The following TOX variants were observed in gnomAD, a reference collection of about 807,000 sequenced individuals.
The protein encoded by TOX is thymocyte selection-associated high mobility group box protein TOX.
Under a neutral mutation model 53.7 loss-of-function variants are expected in TOX, and 11 were observed. The ratio of observed to expected loss-of-function variants is 0.20; its 90% CI spans 0.13 to 0.34. The LOEUF (loss-of-function observed/expected upper bound fraction) is 0.34. Ranked by LOEUF, TOX falls within the 10% of genes least tolerant of loss-of-function variation. The pLI, the probability that TOX is intolerant of heterozygous loss-of-function variation, is 1.00. For synonymous variants in TOX, 225 were observed against 245.3 expected (o/e 0.92, Z 0.77); for missense variants, 570 against 664.6 (o/e 0.86, Z 1.56).
chr8:58,913,251 G>T (rs1421202801), intron 3 of TOX, among the ~76,000 whole-genome samples: 3 of 152,144 alleles, frequency 2.0e-5, no homozygotes, highest in African/African-American at 7.2e-5. Context: ...AGGAGTTTGG[G>T]GCTGCAGTGA....
intron 6 of TOX, 31 bp from the exon 7 acceptor site, chr8:58,815,755 A>G: frequency 1.1e-5 from 18 of 1,570,120 alleles, no homozygotes; most frequent in Non-Finnish European, 1.6e-5. Context: ...CAGAGTTGGG[A>G]GGCTGATACA....
intron 3 of TOX, among the ~76,000 whole-genome samples, chr8:58,938,986 A>G (rs755407212): frequency 2.0e-5 from 3 of 152,346 alleles, no homozygotes; most frequent in East Asian, 1.9e-4. Context: ...GAGAGGTGGC[A>G]TCTTTCAAGA....
At chr8:58,827,686 A>AATCATC (rs1262110674) in intron 5 of TOX, among the ~76,000 whole-genome samples, 1 of 152,182 alleles carries the variant, frequency 6.6e-6, no homozygotes, top group African/African-American at 2.4e-5. Flanking sequence ...ATAAAAGCAA[A>AATCATC]ATCATCCTAA....
intron 2 of TOX, among the ~76,000 whole-genome samples, chr8:58,956,743 G>A (rs1031287519): frequency 1.8e-4 from 27 of 152,116 alleles, no homozygotes; most frequent in Non-Finnish European, 4.0e-4. Flanking sequence ...AGACTCTGGA[G>A]TGGCTGGGAT....
intron 1 of TOX, among the ~76,000 whole-genome samples, chr8:59,065,423 C>G (rs1245154286): frequency 1.3e-5 from 2 of 152,110 alleles, no homozygotes; most frequent in Non-Finnish European, 2.9e-5. Context: ...TAATACAAAG[C>G]AGATAACAAG....
intron 1 of TOX, among the ~76,000 whole-genome samples, chr8:59,002,200 C>T (rs370706742): frequency 8.1e-5 from 12 of 148,388 alleles, no homozygotes; most frequent in African/African-American, 3.0e-4. Context: ...TTTTAAACTC[C>T]TGACCTAGGG....
At chr8:58,997,226 T>A (rs566633086) in intron 1 of TOX, among the ~76,000 whole-genome samples, 10 of 152,274 alleles carry the variant, frequency 6.6e-5, no homozygotes, top group South Asian at 4.1e-4. Context: ...TATTCACAAA[T>A]AGATTTGATG....
chr8:59,074,690 A>C (rs1026310132), intron 1 of TOX, among the ~76,000 whole-genome samples: 9 of 152,216 alleles, frequency 5.9e-5, no homozygotes, highest in African/African-American at 1.9e-4. Context: ...TCTCAAGATA[A>C]GTTCAGAAGG....
At chr8:58,902,109 G>A (rs948416412) in intron 3 of TOX, among the ~76,000 whole-genome samples, 3 of 151,956 alleles carry the variant, frequency 2.0e-5, no homozygotes, top group African/African-American at 7.3e-5. Flanking sequence ...TTATCTCAGT[G>A]CATTAAAATA....
At chr8:59,013,820 G>A (rs554765351) in intron 1 of TOX, among the ~76,000 whole-genome samples, 1 of 152,264 alleles carries the variant, frequency 6.6e-6, no homozygotes, top group Admixed American at 6.5e-5. Flanking sequence ...ATTCAATTCA[G>A]TTAAGTAGAC....
intron 3 of TOX, among the ~76,000 whole-genome samples, chr8:58,853,911 G>A (rs1366406545): frequency 6.6e-6 from 1 of 152,158 alleles, no homozygotes; most frequent in Non-Finnish European, 1.5e-5. Flanking sequence ...ACACAGAAGA[G>A]ACAGTGTATA....
At chr8:59,037,880 T>A (rs1803499367) in intron 1 of TOX, among the ~76,000 whole-genome samples, 1 of 152,028 alleles carries the variant, frequency 6.6e-6, no homozygotes, top group Non-Finnish European at 1.5e-5. Context: ...TTTCTTAAGA[T>A]CCTGAAAAAA....
chr8:59,057,120 C>G (rs1331748897), intron 1 of TOX, among the ~76,000 whole-genome samples: 1 of 152,174 alleles, frequency 6.6e-6, no homozygotes, highest in Non-Finnish European at 1.5e-5. Flanking sequence ...TGAGCTGCTC[C>G]ACCTTCCAAA....
chr8:58,872,463 AG>A (rs1811214993), intron 3 of TOX, among the ~76,000 whole-genome samples: 1 of 151,916 alleles, frequency 6.6e-6, no homozygotes, highest in African/African-American at 2.4e-5. Context: ...AGGGAAAGGG[AG>A]GGAAAAAAAA....
chr8:58,877,159 C>CA (rs1811299454), intron 3 of TOX, among the ~76,000 whole-genome samples: 1 of 152,132 alleles, frequency 6.6e-6, no homozygotes, highest in Non-Finnish European at 1.5e-5. Flanking sequence ...CCAAATTTCA[C>CA]AATTGTGTTT....
At chr8:58,987,484 A>G (rs369145667) in intron 1 of TOX, among the ~76,000 whole-genome samples, 1 of 152,240 alleles carries the variant, frequency 6.6e-6, no homozygotes. Flanking sequence ...AGATGGCACA[A>G]GTACCAACTT....
At chr8:59,061,570 C>A (rs1803984725) in intron 1 of TOX, among the ~76,000 whole-genome samples, 1 of 152,088 alleles carries the variant, frequency 6.6e-6, no homozygotes, top group African/African-American at 2.4e-5. Context: ...TCTTTTCCCC[C>A]ACCCCATAGT....
chr8:58,874,780 C>T (rs73249065), intron 3 of TOX, among the ~76,000 whole-genome samples: 1,747 of 152,296 alleles, frequency 0.011, 40 homozygotes, highest in African/African-American at 0.039. Flanking sequence ...TTATCTTATC[C>T]ACCATGAAGG....
At chr8:58,969,199 G>C (rs997907309) in intron 1 of TOX, among the ~76,000 whole-genome samples, 1 of 152,102 alleles carries the variant, frequency 6.6e-6, no homozygotes, top group Non-Finnish European at 1.5e-5. Flanking sequence ...AAACACATGA[G>C]GGTCAGTCTA....
Sources: gnomAD v4.1 joint callset for allele counts (sites outside exome capture counted in the v4.1 genomes callset) on GRCh38, gnomAD v4.1.1 for gene constraint, MANE v1.5 for transcripts, NCBI Gene and HGNC (gene_info 2026-07-23, HGNC 2026-07-21) for gene names.